Variants in MADD observed in about 807,000 individuals in gnomAD.
MADD encodes MAP kinase activating death domain.
A neutral mutation model predicts 176.7 loss-of-function variants in MADD; 109 were observed. The ratio of observed to expected loss-of-function variants is 0.62; its 90% CI spans 0.53 to 0.72. MADD has a LOEUF of 0.72. Among genes scored for constraint, MADD ranks in the 30% least tolerant of loss-of-function variants. The pLI, the probability that MADD is intolerant of heterozygous loss-of-function variation, is 0.00. For synonymous variants in MADD, 771 were observed against 771.3 expected (o/e 1.00, Z 0.01); for missense variants, 1,914 against 2,045.5 (o/e 0.94, Z 1.24).
exon 12 of MADD, chr11:47,284,415 C>A (rs200912729): frequency 1.3e-4 from 215 of 1,613,954 alleles, no homozygotes; most frequent in Non-Finnish European, 1.7e-4. Flanking sequence ...GGGATGCCAG[C>A]GAGGTGGAGA....
Position 47,320,010 on chromosome 11 carries a change from A to AAG in MADD, c.4198-3660_4198-3659insGA, listed in dbSNP as rs1354841220. Among the ~76,000 whole-genome samples the AAG allele has an allele frequency of 7.9e-5, 12 of 151,256 alleles. No homozygotes were observed. In the South Asian group the frequency reaches 2.1e-3, roughly 26 times the overall value. ...CATCGCAAAAAAAAAAAAAAAAAAAAAATTACAAATATTGTTAAATAATTT... is the reference window on the plus strand; with the variant it reads ...CATCGCAAAAAAAAAAAAAAAAAAAAAGAATTACAAATATTGTTAAATAATTT... On this transcript the variant is annotated intron_variant, in intron 27 of 32. Transcript: ENST00000402192.
intron 7 of MADD, among the ~76,000 whole-genome samples, chr11:47,280,114 A>G (rs1429587891): frequency 6.6e-6 from 1 of 152,096 alleles, no homozygotes; most frequent in Non-Finnish European, 1.5e-5. Flanking sequence ...CCTCACATCC[A>G]TTTTTTATTG....
intron 22 of MADD, among the ~76,000 whole-genome samples, chr11:47,305,685 A>C (rs929629807): frequency 1.3e-5 from 2 of 152,076 alleles, no homozygotes; most frequent in Non-Finnish European, 2.9e-5. Context: ...CACAGCTGTC[A>C]TTTGGGCCCT....
rs326214 is a variant in MADD, at chr11:47,276,809, G to A, written c.1041G>A (p.Glu347=). 0.64 allele frequency: 1,032,034 copies of A among 1,613,686 alleles called. 338,758 individuals carry two copies. Among genetic ancestry groups the A allele is most frequent in the Middle Eastern group, 0.71 (4,294 of 6,062 alleles). ...TCGTGGCAATGATCTACCCACTGGA[G>A]TATATGTTTCCTGTCATCCCGCTGC... is the stretch of plus-strand genomic sequence containing the variant. Residue 347 remains glutamate, a synonymous_variant, in exon 5 of 33, where the codon GAG becomes GAA. Coordinates refer to ENST00000402192, the Ensembl canonical transcript of MADD.
chr11:47,283,415 A>G (rs1383728653), intron 10 of MADD, among the ~76,000 whole-genome samples: 2 of 150,954 alleles, frequency 1.3e-5, no homozygotes, highest in African/African-American at 4.9e-5. Flanking sequence ...TTTTGTATGT[A>G]TGTGACAGAG....
chr11:47,283,079 T>A (rs1490805080), intron 10 of MADD, 110 bp downstream of exon 10: 13 of 884,178 alleles, frequency 1.5e-5, no homozygotes, highest in Admixed American at 1.2e-4. Context: ...TCAGTGTTTT[T>A]AATTTTATTT....
chr11:47,309,527 A>G (rs2086187646), exon 25 of MADD: 1 of 1,614,210 alleles, frequency 6.2e-7, no homozygotes, highest in Non-Finnish European at 8.5e-7. Flanking sequence ...CTTGGAGAAC[A>G]TGACCGGAAG....
At position 47,287,453 on chromosome 11, in the gene MADD, T is replaced by C. The variant is rs117458242; in HGVS notation, c.2653+919T>C. Among the ~76,000 whole-genome samples the C allele has an allele frequency of 5.6e-3, 846 of 152,346 alleles. 6 individuals carry two copies. The highest frequency in any genetic ancestry group is 9.3e-3 in the Admixed American group (143 of 15,300). ...GACAGTGTCACTCCGTCACCCAGGC[T>C]GGATGGAGTGCAAGGTGGTGATCTT... On this transcript the variant is annotated intron_variant, in intron 15 of 32. Coordinates refer to ENST00000402192, the Ensembl canonical transcript of MADD.
intron 20 of MADD, among the ~76,000 whole-genome samples, 189 bp from the exon 23 acceptor site, chr11:47,295,307 C>T (rs1265688777): frequency 1.3e-5 from 2 of 152,078 alleles, no homozygotes; most frequent in Admixed American, 6.6e-5. Context: ...CCACTGTGCC[C>T]GGCCTATTTC....
At chr11:47,309,432 G>A (rs779700807) in intron 24 of MADD, 31 bp downstream of exon 27, 2 of 1,614,020 alleles carry the variant, frequency 1.2e-6, no homozygotes, top group East Asian at 2.2e-5. Context: ...TTGGGAATCA[G>A]CAAACTCAGC....
At chr11:47,273,998 T>A in intron 2 of MADD, 22 bp downstream of exon 2, 1 of 1,609,490 alleles carries the variant, frequency 6.2e-7, no homozygotes, top group South Asian at 1.1e-5. Flanking sequence ...GAGATTGACT[T>A]TTGTCTTAAT....
chr11:47,274,614 C>T, exon 3 of MADD: 3 of 1,614,188 alleles, frequency 1.9e-6, no homozygotes, highest in African/African-American at 1.3e-5. Flanking sequence ...TACGGCGATA[C>T]CCCTTGGAGG....
chr11:47,296,182 T>C, intron 22 of MADD, 127 bp downstream of exon 24: 1 of 1,146,332 alleles, frequency 8.7e-7, no homozygotes, highest in Non-Finnish European at 1.2e-6. Flanking sequence ...AATCTTCTTA[T>C]ATTTGGCTTT....
Position 47,274,903 on chromosome 11 carries a change from AGCTCAGAGAGT to A in MADD, c.405_415del (p.Ser135ArgfsTer10). 7 of 1,613,888 alleles carry A rather than the reference AGCTCAGAGAGT, an allele frequency of 4.3e-6. No individual in the cohort carries two copies. Among genetic ancestry groups the A allele is most frequent in the Non-Finnish European group, 5.9e-6 (7 of 1,179,842 alleles). On this transcript the variant is annotated frameshift_variant, in exon 3 of 33. Coordinates refer to ENST00000402192, the Ensembl canonical transcript of MADD. LOFTEE classifies it high-confidence loss of function. ...TGCCTCAGAAGAGGGTGGCACTGAGAGCTCAGAGAGTGGCTCATCCCTGCAGCCTCTCAGTG... is the reference window on the plus strand; with the variant it reads ...TGCCTCAGAAGAGGGTGGCACTGAGAGGCTCATCCCTGCAGCCTCTCAGTG...
Position 47,276,748 on chromosome 11 carries a change from G to T in MADD, c.980G>T (p.Arg327Leu), listed in dbSNP as rs764689035. 2.5e-6 allele frequency: 4 copies of T among 1,614,126 alleles called. No individual in the cohort carries two copies. The South Asian group carries it at 4.4e-5, about 18-fold the overall frequency. ...TCATGACAGGTGGTGCTACAGTCCC[G>T]AGACTACAATGCACTCTCCATGTCT... The change falls in exon 5 of 33, where the codon CGA (arginine) becomes CTA (leucine). Residue 327 changes from arginine to leucine, a missense_variant. Transcript: ENST00000402192.
At chr11:47,318,025 C>G (rs1279029556) in intron 27 of MADD, among the ~76,000 whole-genome samples, 1 of 152,140 alleles carries the variant, frequency 6.6e-6, no homozygotes, top group Non-Finnish European at 1.5e-5. Flanking sequence ...CCACCTCGGC[C>G]TCCCAAAGTG....
At chr11:47,324,800 T>C in intron 30 of MADD, 3 of 681,878 alleles carry the variant, frequency 4.4e-6, no homozygotes, top group Non-Finnish European at 8.0e-6. Flanking sequence ...TGGGGGAGGC[T>C]GGGCAGGAGC....
chr11:47,320,290 A>G (rs1479079578), intron 27 of MADD, among the ~76,000 whole-genome samples: 1 of 151,488 alleles, frequency 6.6e-6, no homozygotes, highest in Non-Finnish European at 1.5e-5. Context: ...CCCTGCCTCT[A>G]CTAAAAATAC....
chr11:47,323,886 T>C (rs1248512878), intron 28 of MADD, 51 bp downstream of exon 31: 1 of 1,570,998 alleles, frequency 6.4e-7, no homozygotes, highest in Admixed American at 1.7e-5. Context: ...GAAGACCAAA[T>C]AGTGAATTTC....
Sources: gnomAD v4.1 joint callset for allele counts (sites outside exome capture counted in the v4.1 genomes callset) on GRCh38, gnomAD v4.1.1 for gene constraint, MANE v1.5 for transcripts, NCBI Gene and HGNC (gene_info 2026-07-23, HGNC 2026-07-21) for gene names.